RAB27B: variants seen among roughly 807,000 people sequenced by gnomAD.
RAB27B encodes RAB27B, member RAS oncogene family.
In RAB27B, 15 loss-of-function variants were observed where a neutral mutation model predicts 24.6. The ratio of observed to expected loss-of-function variants is 0.61; its 90% confidence interval spans 0.41 to 0.94. The LOEUF (loss-of-function observed/expected upper bound fraction) is 0.94, where lower values mean the gene tolerates loss of function less well. RAB27B is among the 40% of genes least tolerant of loss of function. The pLI is 0.00. For synonymous variants in RAB27B, 105 were observed against 92.5 expected (o/e 1.14, Z -0.78); for missense variants, 261 against 266.8 (o/e 0.98, Z 0.15).
intron 2 of RAB27B, among the ~76,000 whole-genome samples, chr18:54,878,264 AAG>A (rs1912784589): frequency 6.6e-6 from 1 of 152,164 alleles, no homozygotes; most frequent in South Asian, 2.1e-4. Flanking sequence ...TTTCCAAGAT[AAG>A]AGAGTTTAAG....
chr18:54,845,600 G>A (rs559034719), intron 1 of RAB27B, among the ~76,000 whole-genome samples: 5 of 151,864 alleles, frequency 3.3e-5, no homozygotes, highest in East Asian at 1.9e-4. Context: ...GCCCTGAGTC[G>A]CTGGTTGGAC....
chr18:54,758,635 T>TAAAA (rs58044123), intron 2 of RAB27B, among the ~76,000 whole-genome samples: 60 of 141,696 alleles, frequency 4.2e-4, no homozygotes, highest in Non-Finnish European at 6.2e-4. Flanking sequence ...CAAAAACAAT[T>TAAAA]AAAAAAAAAA....
At chr18:54,807,274 T>C (rs1004785793) in intron 2 of RAB27B, among the ~76,000 whole-genome samples, 1 of 152,208 alleles carries the variant, frequency 6.6e-6, no homozygotes, top group African/African-American at 2.4e-5. Flanking sequence ...AATTTCAGTA[T>C]TTTTTCCTGC....
chr18:54,832,200 G>A (rs1473806432), intron 1 of RAB27B, among the ~76,000 whole-genome samples: 2 of 152,078 alleles, frequency 1.3e-5, no homozygotes, highest in African/African-American at 2.4e-5. Flanking sequence ...CAAAGATTAG[G>A]GTCAGAACAG....
At chr18:54,799,323 C>G (rs992476545) in intron 2 of RAB27B, among the ~76,000 whole-genome samples, 17 of 152,050 alleles carry the variant, frequency 1.1e-4, no homozygotes, top group African/African-American at 3.4e-4. Context: ...AGTGATTTCT[C>G]TCAGACTTAA....
intron 1 of RAB27B, among the ~76,000 whole-genome samples, chr18:54,865,237 T>TTGTGTGTGTGTGTG (rs3060044): frequency 3.6e-4 from 52 of 143,484 alleles, no homozygotes; most frequent in South Asian, 6.9e-4. Flanking sequence ...CAATGGCCTT[T>TTGTGTGTGTGTGTG]TGTGTGTGTG....
At chr18:54,850,656 G>T (rs1009097570) in intron 1 of RAB27B, among the ~76,000 whole-genome samples, 1 of 151,426 alleles carries the variant, frequency 6.6e-6, no homozygotes, top group Admixed American at 6.6e-5. Context: ...GTGAGCCACC[G>T]TGCCTGGCTT....
At chr18:54,846,387 T>A (rs1911339139) in intron 1 of RAB27B, among the ~76,000 whole-genome samples, 1 of 152,262 alleles carries the variant, frequency 6.6e-6, no homozygotes. Context: ...TATTCACTAA[T>A]TCAGTGTTTG....
At chr18:54,829,552 T>C (rs1253358205) in intron 1 of RAB27B, among the ~76,000 whole-genome samples, 1 of 152,252 alleles carries the variant, frequency 6.6e-6, no homozygotes, top group African/African-American at 2.4e-5. Flanking sequence ...ACAAAATTAT[T>C]GTTTAATATA....
chr18:54,831,114 C>G (rs1910657314), intron 1 of RAB27B, among the ~76,000 whole-genome samples: 1 of 152,156 alleles, frequency 6.6e-6, no homozygotes, highest in East Asian at 1.9e-4. Context: ...AAGAAGTGCT[C>G]AGCAGAGAGT....
intron 2 of RAB27B, among the ~76,000 whole-genome samples, chr18:54,817,957 A>C (rs1910170777): frequency 6.6e-6 from 1 of 152,082 alleles, no homozygotes; most frequent in South Asian, 2.1e-4. Flanking sequence ...AAACGGCAAA[A>C]TAGATATGAG....
chr18:54,761,905 A>T (rs1033183958), intron 2 of RAB27B, among the ~76,000 whole-genome samples: 28 of 152,110 alleles, frequency 1.8e-4, no homozygotes, highest in Non-Finnish European at 4.0e-4. Context: ...TTTATTTGGG[A>T]TTAAGTCTTT....
rs1007048539 is a variant in RAB27B, at chr18:54,891,471, A to T, written c.*2058A>T. 3 of 152,066 alleles carry T rather than the reference A, an allele frequency of 2.0e-5. No homozygotes were observed. The highest frequency in any genetic ancestry group is 4.4e-5 in the Non-Finnish European group (3 of 67,998). The allele number at this position is 152,066 out of a possible 1,614,324, so 9.4% of individuals were successfully genotyped here. Reference sequence around the variant, plus strand: ...AGAAAACTGTAAGCTAACATTTAAGATGTTTCTTCTGGAAGGAAAGTGAGC... The same window carrying T: ...AGAAAACTGTAAGCTAACATTTAAGTTGTTTCTTCTGGAAGGAAAGTGAGC... On this transcript the variant is annotated 3_prime_UTR_variant, in exon 6 of 6. Coordinates refer to ENST00000262094, the MANE Select transcript of RAB27B (RefSeq NM_004163.4).
chr18:54,797,828 A>G (rs1008268502), intron 2 of RAB27B, among the ~76,000 whole-genome samples: 4 of 152,188 alleles, frequency 2.6e-5, no homozygotes, highest in African/African-American at 9.7e-5. Context: ...TATTTGCATA[A>G]TGGTATTTCT....
chr18:54,801,008 G>GTTTTTTTT (rs11363761), intron 2 of RAB27B, among the ~76,000 whole-genome samples: 7 of 93,092 alleles, frequency 7.5e-5, no homozygotes, highest in South Asian at 4.4e-4. Flanking sequence ...TTGTTCCTGT[G>GTTTTTTTT]TTTTTTTTTT....
chr18:54,763,285 T>TTA (rs1169972500), intron 2 of RAB27B, among the ~76,000 whole-genome samples: 2 of 152,146 alleles, frequency 1.3e-5, no homozygotes, highest in East Asian at 1.9e-4. Flanking sequence ...ATTCATCATT[T>TTA]TATATATATG....
chr18:54,832,738 GT>G (rs1910734200), intron 1 of RAB27B, among the ~76,000 whole-genome samples: 3 of 152,084 alleles, frequency 2.0e-5, no homozygotes, highest in Admixed American at 1.3e-4. Context: ...AAGCCAGGAT[GT>G]TTTTTTAGGA....
intron 2 of RAB27B, among the ~76,000 whole-genome samples, chr18:54,765,455 A>C (rs1356082272): frequency 6.6e-6 from 1 of 152,202 alleles, no homozygotes; most frequent in Non-Finnish European, 1.5e-5. Flanking sequence ...TCATTTGTTA[A>C]GCAAATATGC....
intron 2 of RAB27B, among the ~76,000 whole-genome samples, chr18:54,740,835 T>C (rs1012245430): frequency 4.6e-5 from 7 of 152,154 alleles, no homozygotes; most frequent in Admixed American, 2.0e-4. Flanking sequence ...AGATAGATGA[T>C]AGATCGATAG....
Sources: gnomAD v4.1 joint callset for allele counts (sites outside exome capture counted in the v4.1 genomes callset) on GRCh38, gnomAD v4.1.1 for gene constraint, MANE v1.5 for transcripts, NCBI Gene and HGNC (gene_info 2026-07-23, HGNC 2026-07-21) for gene names.